FBXL2: variants seen among roughly 807,000 people sequenced by gnomAD.
FBXL2 encodes the protein F-box and leucine rich repeat protein 2, also known as F-box/LRR-repeat protein 2.
FBXL2 carries 38 observed loss-of-function variants against 69.2 expected under a neutral mutation model. The observed-to-expected ratio is 0.55, with a 90% CI of 0.42 to 0.72. The LOEUF is 0.72. Ranked by LOEUF, FBXL2 falls within the 30% of genes least tolerant of loss-of-function variation. FBXL2 has a pLI of 0.00. For synonymous variants in FBXL2, 192 were observed against 201.3 expected, an observed-to-expected ratio of 0.95 and a Z score of 0.39; for missense variants, 354 against 520.3, an observed-to-expected ratio of 0.68 and a Z score of 3.11.
intron 5 of FBXL2, among the ~76,000 whole-genome samples, chr3:33,370,396 T>C (rs1006876002): frequency 3.6e-4 from 52 of 144,124 alleles, no homozygotes; most frequent in Non-Finnish European, 6.8e-4. Context: ...CCAGCCTGGG[T>C]GACAGAGCGA....
chr3:33,344,749 C>T (rs2040310102), intron 2 of FBXL2, among the ~76,000 whole-genome samples: 1 of 152,022 alleles, frequency 6.6e-6, no homozygotes, highest in Non-Finnish European at 1.5e-5. Flanking sequence ...ACAAACACAA[C>T]AGAGAAAGTT....
chr3:33,343,797 A>G (rs1310053491), intron 2 of FBXL2, among the ~76,000 whole-genome samples: 1 of 152,128 alleles, frequency 6.6e-6, no homozygotes, highest in East Asian at 1.9e-4. Flanking sequence ...TAACTTTAAA[A>G]TATTTAAACC....
downstream of FBXL2, among the ~76,000 whole-genome samples, chr3:33,404,971 T>C (rs1188461449): frequency 1.3e-5 from 2 of 152,232 alleles, no homozygotes; most frequent in South Asian, 2.1e-4. Context: ...ATGTAATAAA[T>C]ATTCATCAAA....
In FBXL2 at chr3:33,393,259, A is replaced by G. The variant is rs551246655; in HGVS notation, n.1214+7531A>G. The G allele has an allele frequency of 4.8e-5, 73 of 1,508,980 alleles. No individual in the cohort carries two copies. The African/African-American group carries it at 8.6e-4, about 18-fold the overall frequency. 93.5% of individuals were successfully genotyped at this position (1,508,980 alleles called of 1,614,324 possible). ...AATTTTTCTACAGTTCTACAATTAC[A>G]TGTATAAAAGTAAATACCAGTCTGA... On this transcript the variant is annotated intron_variant and non_coding_transcript_variant, in intron 12 of 12. Transcript: ENST00000463736.
intron 1 of FBXL2, among the ~76,000 whole-genome samples, chr3:33,293,640 GTT>G (rs201578213): frequency 2.0e-5 from 3 of 148,854 alleles, no homozygotes; most frequent in South Asian, 2.1e-4. Flanking sequence ...TTGCTAGAAA[GTT>G]TTTTTTTTTC....
chr3:33,315,213 T>C (rs746829873), intron 2 of FBXL2, among the ~76,000 whole-genome samples: 11 of 151,866 alleles, frequency 7.2e-5, no homozygotes, highest in Non-Finnish European at 1.2e-4. Flanking sequence ...TTTTTCTTTC[T>C]CCTTTCCTTT....
rs1197016609 is a variant in FBXL2, at chr3:33,403,560, G to GTCTATCTATCTA, written n.1544_1545insATCTATCTATCT. On this transcript the variant is annotated non_coding_transcript_exon_variant, in exon 13 of 13. Coordinates refer to the FBXL2 transcript ENST00000463736. ...ATCTAATCTATCTGTCTGTCTGTCT[G>GTCTATCTATCTA]TCTGTCTGTCTGTCTGTCTGTCTGT... The GTCTATCTATCTA allele has an allele frequency of 6.4e-5, 9 of 139,924 alleles. No homozygotes were observed. The East Asian group carries it at 1.4e-3, about 21-fold the overall frequency. The allele number at this position is 139,924 out of a possible 1,614,324, so 8.7% of individuals were successfully genotyped here.
chr3:33,392,660 T>C (rs1423040073), downstream of FBXL2: 1 of 1,538,812 alleles, frequency 6.5e-7, no homozygotes, highest in East Asian at 2.3e-5. Flanking sequence ...GATCCAACTG[T>C]CGTTTCTTAA....
At chr3:33,405,915 G>C (rs2044406957), downstream of FBXL2, among the ~76,000 whole-genome samples, 1 of 152,046 alleles carries the variant, frequency 6.6e-6, no homozygotes, top group African/African-American at 2.4e-5. Context: ...AAAAGCAATG[G>C]ATACATGGAA....
chr3:33,404,638 C>A (rs1469056031), downstream of FBXL2, among the ~76,000 whole-genome samples: 2 of 151,716 alleles, frequency 1.3e-5, no homozygotes, highest in East Asian at 1.9e-4. Flanking sequence ...CAGAGTGAGA[C>A]CCCCATCTTG....
chr3:33,284,945 T>C (rs892571598), intron 1 of FBXL2, among the ~76,000 whole-genome samples: 1 of 152,188 alleles, frequency 6.6e-6, no homozygotes, highest in African/African-American at 2.4e-5. Context: ...TGTCTCTGCA[T>C]GTGATATGGG....
intron 1 of FBXL2, among the ~76,000 whole-genome samples, chr3:33,292,700 A>G (rs566332629): frequency 6.6e-6 from 1 of 152,246 alleles, no homozygotes; most frequent in South Asian, 2.1e-4. Context: ...GATTAAATTT[A>G]CTAACTAAAA....
At chr3:33,282,851 C>G in intron 1 of FBXL2, among the ~76,000 whole-genome samples, 1 of 152,086 alleles carries the variant, frequency 6.6e-6, no homozygotes, top group Non-Finnish European at 1.5e-5. Context: ...CTCTGTTTGT[C>G]TGTTATTGGT....
In FBXL2 at chr3:33,297,737, T is replaced by C. The variant is rs2035869926; in HGVS notation, c.65+12T>C. 6.8e-6 allele frequency: 10 copies of C among 1,477,598 alleles called. No homozygotes were observed. The highest frequency in any genetic ancestry group is 1.4e-5 in the African/African-American group (1 of 71,060). The allele number at this position is 1,477,598 out of a possible 1,614,324, so 91.5% of individuals were successfully genotyped here. ...GAACTTCTGTTAAGGTAAATGTAGA[T>C]AAATTCTGGATGAAGAGTTTAGATC... On this transcript the variant is annotated intron_variant, in intron 2 of 14. Transcript: ENST00000484457.
chr3:33,417,825 C>T, the FBXL2 span, among the ~76,000 whole-genome samples: 1 of 152,194 alleles, frequency 6.6e-6, no homozygotes, highest in African/African-American at 2.4e-5. Context: ...CTTGTCCATA[C>T]TCCCAGGGGG....
chr3:33,368,941 A>G (rs1333747671), intron 5 of FBXL2, among the ~76,000 whole-genome samples: 2 of 151,782 alleles, frequency 1.3e-5, no homozygotes, highest in African/African-American at 4.8e-5. Context: ...GTGTTAGACC[A>G]TTTGCATTTA....
intron 12 of FBXL2, 111 bp downstream of exon 12, chr3:33,378,258 A>T: frequency 8.9e-7 from 1 of 1,125,190 alleles, no homozygotes; most frequent in East Asian, 2.4e-5. Context: ...TCCTTGATCA[A>T]CCTCAGTGGC....
intron 2 of FBXL2, among the ~76,000 whole-genome samples, chr3:33,356,507 G>A (rs1270527418): frequency 1.3e-5 from 2 of 151,918 alleles, no homozygotes; most frequent in South Asian, 2.1e-4. Flanking sequence ...ACACCACCAC[G>A]CCCAGCTAAT....
rs1308024963 is a variant in FBXL2 at position 33,373,072 on chromosome 3, A to G, written c.291-20A>G. On this transcript the variant is annotated intron_variant, in intron 5 of 14. Transcript: ENST00000484457. ...TGTCCAGCAACTTGCAGGGAGCTTTAAAATGTTTTCTCATTTTAGGACCTT... is the reference window on the plus strand; with the variant it reads ...TGTCCAGCAACTTGCAGGGAGCTTTGAAATGTTTTCTCATTTTAGGACCTT... 1.2e-6 allele frequency: 2 copies of G among 1,612,640 alleles called. No homozygotes were observed. The highest frequency in any genetic ancestry group is 2.7e-5 in the African/African-American group (2 of 74,928).
Sources: gnomAD v4.1 joint callset for allele counts (sites outside exome capture counted in the v4.1 genomes callset) on GRCh38, gnomAD v4.1.1 for gene constraint, MANE v1.5 for transcripts, NCBI Gene and HGNC (gene_info 2026-07-23, HGNC 2026-07-21) for gene names.